SEMA6A: variants seen among roughly 807,000 people sequenced by gnomAD.
The protein encoded by SEMA6A is semaphorin-6A.
Under a neutral mutation model 96.8 loss-of-function variants are expected in SEMA6A, and 25 were observed. The ratio of observed to expected loss-of-function variants is 0.26; its 90% confidence interval spans 0.19 to 0.36. SEMA6A has a LOEUF of 0.36. Among genes scored for constraint, SEMA6A ranks in the 10% least tolerant of loss-of-function variants. The pLI is 1.00. For synonymous variants in SEMA6A, 612 were observed against 518.0 expected (o/e 1.18, Z -2.46); for missense variants, 1,363 against 1,323.1 (o/e 1.03, Z -0.47).
intron 5 of SEMA6A, 25 bp from the exon 6 acceptor site, chr5:116,495,539 GTATC>G: frequency 6.7e-7 from 1 of 1,491,026 alleles, no homozygotes; most frequent in Non-Finnish European, 9.2e-7. Flanking sequence ...AAACTGTTTT[GTATC>G]ATGTCCATTC....
chr5:116,507,075 A>G (rs1699182738), intron 1 of SEMA6A, among the ~76,000 whole-genome samples: 1 of 152,232 alleles, frequency 6.6e-6, no homozygotes, highest in Non-Finnish European at 1.5e-5. Context: ...GAAATCTGTT[A>G]TGCAAGTCAG....
chr5:116,478,093 T>C lies in SEMA6A; in HGVS notation c.1489A>G (p.Ser497Gly), dbSNP rs760210977. Residue 497 changes from serine to glycine, a missense_variant, in exon 14 of 19, where the codon AGC (serine) becomes GGC (glycine). Ser to Gly is a moderately conservative substitution (Grantham distance 56, BLOSUM62 0). This residue lies in a region of SEMA6A where 883 missense variants were observed against 763.6 expected (regional missense o/e 1.16). Coordinates refer to ENST00000343348, the MANE Select transcript of SEMA6A (RefSeq NM_020796.5). ...IMGMQLDRAS[S>G]SLYVAFSTCV... is the part of the protein sequence containing the mutation. ...GTAGAGAACGCAACATACAGAGAGC[T>C]GCTTGCTCTGTCCAGCTGCATGCCC... is the stretch of plus-strand genomic sequence containing the variant. The C allele has an allele frequency of 6.2e-7, 1 of 1,613,938 alleles. No homozygotes were observed. The highest frequency in any genetic ancestry group is 8.5e-7 in the Non-Finnish European group (1 of 1,179,808).
At chr5:116,536,753 T>TCAGGTACTGCATTGTCA (rs199602701) in intron 1 of SEMA6A, among the ~76,000 whole-genome samples, 2,641 of 151,806 alleles carry the variant, frequency 0.017, 40 homozygotes, top group Non-Finnish European at 0.026. Context: ...CGTGTTCTCT[T>TCAGGTACTGCATTGTCA]CAGGTACTGC....
chr5:116,466,378 CAAAAAA>C lies in SEMA6A; in HGVS notation c.1894+1199_1894+1204del, dbSNP rs536164347. Among the ~76,000 whole-genome samples the C allele has an allele frequency of 6.3e-5, 4 of 63,960 alleles. No homozygotes were observed. The South Asian group carries it at 2.3e-3, about 37-fold the overall frequency. The allele number at this position is 63,960 out of a possible 152,430, so 42.0% of individuals were successfully genotyped here. Reference sequence around the variant, plus strand: ...TAGGCAACAGAGTAAGACTCCATCTCAAAAAAAAAAAAAAAAAGATTTGAGTCAGGG... The same window carrying C: ...TAGGCAACAGAGTAAGACTCCATCTCAAAAAAAAAAAGATTTGAGTCAGGG... On this transcript the variant is annotated intron_variant, in intron 18 of 18. Coordinates refer to ENST00000343348, the MANE Select transcript of SEMA6A (RefSeq NM_020796.5).
At chr5:116,551,317 TAC>T (rs66523615) in intron 1 of SEMA6A, among the ~76,000 whole-genome samples, 3,452 of 142,476 alleles carry the variant, frequency 0.024, 57 homozygotes, top group Middle Eastern at 0.046. Context: ...AGTCTTAGCA[TAC>T]ACACACACAC....
At chr5:116,482,410 A>G (rs764776920) in intron 11 of SEMA6A, 34 bp downstream of exon 11, 2 of 1,600,618 alleles carry the variant, frequency 1.2e-6, no homozygotes, top group South Asian at 1.1e-5. Flanking sequence ...CCATTTCTAA[A>G]GTTTAAAATA....
At chr5:116,467,439 T>C in intron 18 of SEMA6A, 144 bp downstream of exon 18, 1 of 728,894 alleles carries the variant, frequency 1.4e-6, no homozygotes, top group Non-Finnish European at 2.2e-6. Flanking sequence ...AGGATGGGGT[T>C]GCAGTCTTTT....
chr5:116,496,443 A>G (rs1757608286), intron 4 of SEMA6A, 130 bp from the exon 5 acceptor site: 3 of 649,518 alleles, frequency 4.6e-6, no homozygotes, highest in East Asian at 5.9e-5. Context: ...CCCTTTCTCC[A>G]TGATTAATTC....
At chr5:116,486,616 T>A in intron 10 of SEMA6A, 133 bp downstream of exon 10, 1 of 695,068 alleles carries the variant, frequency 1.4e-6, no homozygotes, top group Non-Finnish European at 2.5e-6. Context: ...AAACTAAGTG[T>A]TAAGTGCTTC....
In SEMA6A at chr5:116,497,020, T is replaced by C. The variant is rs1420011295; in HGVS notation, c.279+307A>G. Among the ~76,000 whole-genome samples, 5 of 152,258 alleles carry C rather than the reference T, an allele frequency of 3.3e-5. No individual in the cohort carries two copies. The East Asian group carries it at 9.6e-4, about 29-fold the overall frequency. Reference sequence around the variant, plus strand: ...AGAATACATTTGTGGAACAAAATTTTACTTATGAAAACTGATGTTTTCCTG... The same window carrying C: ...AGAATACATTTGTGGAACAAAATTTCACTTATGAAAACTGATGTTTTCCTG... On this transcript the variant is annotated intron_variant, in intron 4 of 18. Transcript: ENST00000343348.
chr5:116,563,629 C>T (rs1561538928), intron 1 of SEMA6A, among the ~76,000 whole-genome samples: 3 of 152,310 alleles, frequency 2.0e-5, no homozygotes, highest in East Asian at 3.9e-4. Context: ...TTTTCTTAAG[C>T]TACGTGTGCA....
intron 18 of SEMA6A, among the ~76,000 whole-genome samples, chr5:116,461,691 G>C (rs1037475036): frequency 6.6e-6 from 1 of 152,166 alleles, no homozygotes; most frequent in Admixed American, 6.5e-5. Flanking sequence ...CAGCCAAGTT[G>C]TCTTTACTTG....
intron 1 of SEMA6A, among the ~76,000 whole-genome samples, chr5:116,526,235 T>C (rs1759218789): frequency 6.6e-6 from 1 of 152,292 alleles, no homozygotes; most frequent in Non-Finnish European, 1.5e-5. Flanking sequence ...ACTCCACTTT[T>C]CTATCCTTTC....
rs779770223 is a variant in SEMA6A at position 116,447,332 on chromosome 5, G to C, written c.2374C>G (p.Pro792Ala). 6.2e-7 allele frequency: 1 copy of C among 1,613,814 alleles called. No homozygotes were observed. ...NLINACTKDM[P>A]PMGSPVIPTD... ...GGAATCACAGGGGAGCCCATGGGGGGCATGTCCTTTGTGCAGGCATTGATG... is the reference window on the plus strand; with the variant it reads ...GGAATCACAGGGGAGCCCATGGGGGCCATGTCCTTTGTGCAGGCATTGATG... Residue 792 changes from proline to alanine, a missense_variant, in exon 19 of 19, where the codon CCC (proline) becomes GCC (alanine). Transcript: ENST00000343348.
chr5:116,484,007 T>G (rs1252243066), intron 10 of SEMA6A, among the ~76,000 whole-genome samples: 1 of 141,862 alleles, frequency 7.0e-6, no homozygotes, highest in African/African-American at 2.7e-5. Context: ...GAGGTTGCAG[T>G]GAGCTGAGAC....
chr5:116,532,274 C>T (rs6885611), intron 1 of SEMA6A, among the ~76,000 whole-genome samples: 11,820 of 152,084 alleles, frequency 0.078, 746 homozygotes, highest in African/African-American at 0.18. Context: ...AATCTTTAAT[C>T]CTAAAGTAGA....
At chr5:116,572,659 C>A (rs1044481236) in intron 1 of SEMA6A, among the ~76,000 whole-genome samples, 19 of 152,232 alleles carry the variant, frequency 1.2e-4, no homozygotes, top group African/African-American at 4.1e-4. Flanking sequence ...CCACAGTGGC[C>A]GCACCTGCCT....
At chr5:116,524,775 C>CACACACACAG (rs1554090328) in intron 1 of SEMA6A, among the ~76,000 whole-genome samples, 17 of 145,588 alleles carry the variant, frequency 1.2e-4, no homozygotes, top group Admixed American at 4.1e-4. Flanking sequence ...TATGTATACA[C>CACACACACAG]ACACACACAC....
Position 116,495,669 on chromosome 5 carries a change from A to AGAT in SEMA6A, c.343-158_343-156dup, listed in dbSNP as rs1757561406. The AGAT allele has an allele frequency of 1.5e-5, 9 of 580,786 alleles. No homozygotes were observed. In the East Asian group the frequency reaches 2.6e-4, roughly 17 times the overall value. The allele number at this position is 580,786 out of a possible 1,614,324, so 36.0% of individuals were successfully genotyped here. On this transcript the variant is annotated intron_variant, in intron 5 of 18. Transcript: ENST00000343348. The stretch of plus-strand genomic sequence containing the variant: ...CAAGTTCTTCCTGATGTTAACCACA[A>AGAT]GATGATGCCGACATCAACGATTACT...
Sources: allele counts gnomAD v4.1 joint callset (sites outside exome capture counted in the v4.1 genomes callset), GRCh38; gene constraint gnomAD v4.1.1; regional missense constraint gnomAD v4.1.1; transcripts MANE v1.5; gene names NCBI Gene and HGNC (gene_info 2026-07-23, HGNC 2026-07-21).